Variants in DNAH2 observed in about 807,000 individuals in gnomAD.
The protein encoded by DNAH2 is axonemal beta dynein heavy chain 2.
DNAH2 carries 323 observed loss-of-function variants against 523.5 expected under a neutral mutation model. The ratio of observed to expected loss-of-function variants is 0.62; its 90% CI spans 0.56 to 0.68. DNAH2 has a LOEUF of 0.68. Ranked by LOEUF, DNAH2 falls within the 30% of genes least tolerant of loss-of-function variation. The pLI is 0.00. For synonymous variants in DNAH2, 2,093 were observed against 2,177.4 expected, an observed-to-expected ratio of 0.96 and a Z score of 1.08; for missense variants, 4,907 against 5,701.5, an observed-to-expected ratio of 0.86 and a Z score of 4.49.
In DNAH2 at chr17:7,832,782, G is replaced by A. The variant is rs773959472; in HGVS notation, c.12903+27G>A. ...TGAGCAATGTGCAAAGTGTGAGGGG[G>A]GGATGTATGCTGGGGCCATGTATGT... On this transcript the variant is annotated intron_variant, in intron 83 of 85. Coordinates refer to ENST00000572933, the MANE Select transcript of DNAH2 (RefSeq NM_020877.5). The surrounding 1 kb of genome is among the most constrained non-coding windows in gnomAD (Gnocchi z 4.3). 3 of 1,613,972 alleles carry A rather than the reference G, an allele frequency of 1.9e-6. No homozygotes were observed. The Admixed American group carries it at 5.0e-5, about 27-fold the overall frequency.
rs758341170 is a variant in DNAH2 at position 7,817,693 on chromosome 17, G to A, written c.10153G>A (p.Val3385Ile). The A allele has an allele frequency of 1.1e-5, 17 of 1,614,010 alleles. No homozygotes were observed. Among genetic ancestry groups the A allele is most frequent in the South Asian group, 3.3e-5 (3 of 91,086 alleles). ...CTTCTCCACTGAGAATGGCATCATC[G>A]TCACCCGAGGCAACAGGTGAGGGTG... ...DAFSTENGII[V>I]TRGNRWALMI... The change falls in exon 66 of 86, where the codon GTC (valine) becomes ATC (isoleucine). Residue 3385 changes from valine to isoleucine, a missense_variant. By Grantham distance (29) the Val-to-Ile change is conservative (BLOSUM62 3). Coordinates refer to ENST00000572933, the MANE Select transcript of DNAH2 (RefSeq NM_020877.5).
chr17:7,747,970 G>A (rs2075563566), intron 12 of DNAH2, among the ~76,000 whole-genome samples: 1 of 152,198 alleles, frequency 6.6e-6, no homozygotes, highest in African/African-American at 2.4e-5. Context: ...TGCTCTTTGT[G>A]TTCAAGCTCC....
At chr17:7,774,232 G>T (rs866279547) in intron 28 of DNAH2, among the ~76,000 whole-genome samples, 14 of 152,084 alleles carry the variant, frequency 9.2e-5, no homozygotes, top group Non-Finnish European at 1.9e-4. Flanking sequence ...CTGTGATGTC[G>T]CAACAGTCGA....
chr17:7,824,892 A>G (rs1291284692), intron 77 of DNAH2, among the ~76,000 whole-genome samples, 165 bp downstream of exon 77: 1 of 152,158 alleles, frequency 6.6e-6, no homozygotes, highest in Non-Finnish European at 1.5e-5. Context: ...ACACAATAAT[A>G]AGAGCTAACA....
At chr17:7,743,818 T>G (rs1490458147) in intron 12 of DNAH2, 1 of 156,768 alleles carries the variant, frequency 6.4e-6, no homozygotes, top group Admixed American at 6.5e-5. Flanking sequence ...CTTCTACAGC[T>G]TCATTGTTAT....
At chr17:7,744,822 C>T (rs1478232937) in intron 12 of DNAH2, among the ~76,000 whole-genome samples, 2 of 152,154 alleles carry the variant, frequency 1.3e-5, no homozygotes, top group Non-Finnish European at 2.9e-5. Context: ...AAGACACATT[C>T]TCCCATCGAG....
intron 28 of DNAH2, among the ~76,000 whole-genome samples, chr17:7,771,725 A>T (rs34001984): frequency 0.68 from 102,582 of 151,396 alleles, 34,768 homozygotes; most frequent in South Asian, 0.72. Flanking sequence ...ATTAAAAAAA[A>T]TTTTTTTTTT....
At chr17:7,799,690 C>T (rs916979134) in intron 56 of DNAH2, among the ~76,000 whole-genome samples, 4 of 152,018 alleles carry the variant, frequency 2.6e-5, no homozygotes, top group Admixed American at 6.6e-5. Flanking sequence ...GTGGCGGGGG[C>T]GCCTGTAGTC....
chr17:7,797,585 A>G lies in DNAH2; in HGVS notation c.8080+55A>G, dbSNP rs1038146378. 15 of 1,613,850 alleles carry G rather than the reference A, an allele frequency of 9.3e-6. No individual in the cohort carries two copies. In the African/African-American group the frequency reaches 2.0e-4, roughly 22 times the overall value. ...TTGACACTCTTAGAACATCGGGGCT[A>G]GAAGGAGTCAGGGCATGGGGTCTGA... On this transcript the variant is annotated intron_variant, in intron 52 of 85. Coordinates refer to ENST00000572933, the MANE Select transcript of DNAH2 (RefSeq NM_020877.5).
In DNAH2 at chr17:7,818,558, G is replaced by A. The variant is rs1399044524; in HGVS notation, c.10537-85G>A. 5.0e-6 allele frequency: 8 copies of A among 1,602,472 alleles called. No homozygotes were observed. The East Asian group carries it at 1.3e-4, about 27-fold the overall frequency. Reference sequence around the variant, plus strand: ...AAGCTTGTGTTGGGCAGCTGAGGATGAGGGGTCTTTCAAGGTGGAAAGAGA... The same window carrying A: ...AAGCTTGTGTTGGGCAGCTGAGGATAAGGGGTCTTTCAAGGTGGAAAGAGA... On this transcript the variant is annotated intron_variant, in intron 69 of 85. Coordinates refer to ENST00000572933, the MANE Select transcript of DNAH2 (RefSeq NM_020877.5).
In DNAH2 at chr17:7,816,557, C is replaced by A. The variant is rs780566111; in HGVS notation, c.9730-14C>A. 1 of 1,613,930 alleles carries A rather than the reference C, an allele frequency of 6.2e-7. No individual in the cohort carries two copies. The highest frequency in any genetic ancestry group is 1.3e-5 in the African/African-American group (1 of 74,910). The stretch of plus-strand genomic sequence containing the variant: ...AGCCCTGTGTTTGATGCGCTATACT[C>A]GAATCTCTCCCAGGTAGCTGAGAAA... On this transcript the variant is annotated splice_polypyrimidine_tract_variant and intron_variant, in intron 63 of 85. Coordinates refer to ENST00000572933, the MANE Select transcript of DNAH2 (RefSeq NM_020877.5).
intron 39 of DNAH2, among the ~76,000 whole-genome samples, chr17:7,785,875 C>T (rs948416149): frequency 2.0e-5 from 3 of 152,092 alleles, no homozygotes; most frequent in Non-Finnish European, 2.9e-5. Context: ...GAAACTGAGG[C>T]GTGGAGAAGT....
At chr17:7,741,735 G>A (rs530337087) in intron 11 of DNAH2, among the ~76,000 whole-genome samples, 1 of 151,268 alleles carries the variant, frequency 6.6e-6, no homozygotes, top group South Asian at 2.1e-4. Flanking sequence ...TGTGATCTCG[G>A]CTCACCGCAA....
chr17:7,824,331 C>G, intron 76 of DNAH2, 27 bp downstream of exon 76: 2 of 1,500,342 alleles, frequency 1.3e-6, no homozygotes, highest in Non-Finnish European at 1.8e-6. Flanking sequence ...TCTTCCACCC[C>G]CATCTTCAGC....
chr17:7,800,662 C>G (rs535186042), intron 56 of DNAH2, among the ~76,000 whole-genome samples: 59 of 150,108 alleles, frequency 3.9e-4, no homozygotes, highest in South Asian at 8.5e-4. Flanking sequence ...GTCAGGAGAT[C>G]GAGACCATCC....
At position 7,805,392 on chromosome 17, in the gene DNAH2, A is replaced by G; in HGVS notation, c.9441A>G (p.Leu3147=). 2.5e-6 allele frequency: 4 copies of G among 1,614,210 alleles called. No homozygotes were observed. The highest frequency in any genetic ancestry group is 2.5e-6 in the Non-Finnish European group (3 of 1,180,040). The change falls in exon 61 of 86, where the codon CTA becomes CTG. Residue 3147 remains leucine (L), a splice_region_variant and synonymous_variant. Transcript: ENST00000572933. ...CATGGGCAGAGGCCAAGAGGCAGCTAGGTAAGCTAGAGACAATGAAATCAA... is the reference window on the plus strand; with the variant it reads ...CATGGGCAGAGGCCAAGAGGCAGCTGGGTAAGCTAGAGACAATGAAATCAA... The part of the protein sequence containing the change: ...EPTWAEAKRQ[L]GEQNFIKSLI...
Position 7,768,110 on chromosome 17 carries a change from G to T in DNAH2, c.3837+49G>T, listed in dbSNP as rs773881753. The T allele has an allele frequency of 9.3e-6, 15 of 1,614,128 alleles. 1 individual carries two copies. The Admixed American group carries it at 2.2e-4, about 23-fold the overall frequency. ...GGAAGAGAAGCTGGTGGAGGATCTG[G>T]GTCTGTTCCCAGGGAGGTCGTCGGG... On this transcript the variant is annotated intron_variant, in intron 23 of 85. Coordinates refer to ENST00000572933, the MANE Select transcript of DNAH2 (RefSeq NM_020877.5).
chr17:7,833,262 T>C, intron 85 of DNAH2, 41 bp downstream of exon 85: 1 of 1,607,072 alleles, frequency 6.2e-7, no homozygotes, highest in African/African-American at 1.3e-5. Context: ...GCCCCGTCCC[T>C]AGTTTGGAAC....
rs1475657270 is a variant in DNAH2 at position 7,718,416 on chromosome 17, G to A, written c.-398G>A. ...GAGATCAATGCCTGTGGCAGCCTGTGGGGATGAGGAAGGAGAGCCACAGGT... is the reference window on the plus strand; with the variant it reads ...GAGATCAATGCCTGTGGCAGCCTGTAGGGATGAGGAAGGAGAGCCACAGGT... On this transcript the variant is annotated 5_prime_UTR_variant, in exon 1 of 86. Transcript: ENST00000572933. The A allele has an allele frequency of 6.6e-6, 1 of 152,178 alleles. No individual in the cohort carries two copies. Among genetic ancestry groups the A allele is most frequent in the Non-Finnish European group, 1.5e-5 (1 of 68,040 alleles). The allele number at this position is 152,178 out of a possible 1,614,324, so 9.4% of individuals were successfully genotyped here.
Sources: allele counts gnomAD v4.1 joint callset (sites outside exome capture counted in the v4.1 genomes callset), GRCh38; gene constraint gnomAD v4.1.1; non-coding constraint Gnocchi (gnomAD v3.1); transcripts MANE v1.5; gene names NCBI Gene and HGNC (gene_info 2026-07-23, HGNC 2026-07-21).